NHS: variants seen among roughly 807,000 people sequenced by gnomAD.
The protein encoded by NHS is NHS actin remodeling regulator.
A neutral mutation model predicts 72.5 loss-of-function variants in NHS; 5 were observed. The observed-to-expected ratio is 0.07, with a 90% CI of 0.04 to 0.14. NHS has a LOEUF of 0.14. Ranked by LOEUF, NHS falls within the 10% of genes least tolerant of loss-of-function variation. The pLI is 1.00. For synonymous variants in NHS, 464 were observed against 547.7 expected (o/e 0.85, Z 2.13); for missense variants, 1,072 against 1,355.7 (o/e 0.79, Z 3.29).
chrX:17,446,517 C>T lies in NHS; in HGVS notation c.565+70195C>T, dbSNP rs750386493. 2.7e-5 allele frequency among the ~76,000 whole-genome samples: 3 copies of T among 109,810 alleles called. No individual in the cohort carries two copies. The South Asian group carries it at 1.2e-3, about 44-fold the overall frequency. Reference sequence around the variant, plus strand: ...ACCTTGTGACCCCCGCCCCTGCCCGCCAGTGAACAACCCCCTTTGACTAAT... The same window carrying T: ...ACCTTGTGACCCCCGCCCCTGCCCGTCAGTGAACAACCCCCTTTGACTAAT... On this transcript the variant is annotated intron_variant, in intron 1 of 8. Coordinates refer to ENST00000676302, the MANE Select transcript of NHS (RefSeq NM_001291867.2).
intron 1 of NHS, among the ~76,000 whole-genome samples, chrX:17,387,294 C>T (rs2064415781): frequency 8.9e-6 from 1 of 111,951 alleles, no homozygotes; most frequent in Non-Finnish European, 1.9e-5. Context: ...GGTGTAATTA[C>T]CCTACTCAAA....
rs539962835 is a variant in NHS, at chrX:17,512,436, C to G, written c.565+136114C>G. 2.7e-5 allele frequency among the ~76,000 whole-genome samples: 3 copies of G among 112,084 alleles called. No individual in the cohort carries two copies. In the South Asian group the frequency reaches 1.1e-3, roughly 41 times the overall value. On this transcript the variant is annotated intron_variant, in intron 1 of 8. Coordinates refer to ENST00000676302, the MANE Select transcript of NHS (RefSeq NM_001291867.2). ...TCATTGGAAGAGTTGCAGCTTGTGACTTACCATGCAAGAGTGGAAGGAAGG... is the reference window on the plus strand; with the variant it reads ...TCATTGGAAGAGTTGCAGCTTGTGAGTTACCATGCAAGAGTGGAAGGAAGG...
chrX:17,443,188 A>G lies in NHS; in HGVS notation c.565+66866A>G, dbSNP rs1483106376. 4.5e-5 allele frequency among the ~76,000 whole-genome samples: 5 copies of G among 112,188 alleles called. No homozygotes were observed. In the East Asian group the frequency reaches 8.4e-4, roughly 19 times the overall value. On this transcript the variant is annotated intron_variant, in intron 1 of 8. Coordinates refer to ENST00000676302, the MANE Select transcript of NHS (RefSeq NM_001291867.2). ...GTAAGAAAACATGAATCATATTACT[A>G]TGTTATAGAGTTGTTGTGACAACAG... is the stretch of plus-strand genomic sequence containing the variant.
intron 1 of NHS, among the ~76,000 whole-genome samples, chrX:17,436,358 T>C (rs746001264): frequency 8.9e-4 from 99 of 110,711 alleles, no homozygotes; most frequent in Non-Finnish European, 1.3e-3. Context: ...TGGGTTTTTC[T>C]CAGAGATTTA....
At chrX:17,552,551 G>T (rs1271967185) in intron 1 of NHS, 1 of 111,324 alleles carries the variant, frequency 9.0e-6, no homozygotes, top group East Asian at 2.8e-4. Flanking sequence ...TGAGGAAGGT[G>T]GCGTTAGTCA....
At chrX:17,563,683 G>C (rs73636659) in intron 1 of NHS, among the ~76,000 whole-genome samples, 8,988 of 111,039 alleles carry the variant, frequency 0.081, 899 homozygotes, top group African/African-American at 0.27. Flanking sequence ...GATCAGTCAC[G>C]CAAGAAGATT....
At chrX:17,379,272 C>A (rs2064363017) in intron 1 of NHS, among the ~76,000 whole-genome samples, 1 of 109,839 alleles carries the variant, frequency 9.1e-6, no homozygotes, top group Non-Finnish European at 1.9e-5. Context: ...AGTCTGGTGG[C>A]TAGTAAACCA....
intron 1 of NHS, among the ~76,000 whole-genome samples, chrX:17,481,390 TGA>T (rs1240268365): frequency 8.9e-6 from 1 of 112,235 alleles, no homozygotes; most frequent in Non-Finnish European, 1.9e-5. Flanking sequence ...CTTTGTTTCC[TGA>T]GAGAGATGCT....
chrX:17,428,614 GC>G (rs2064669280), intron 1 of NHS, among the ~76,000 whole-genome samples: 1 of 111,658 alleles, frequency 9.0e-6, no homozygotes, highest in African/African-American at 3.3e-5. Flanking sequence ...CACAGAGATG[GC>G]AGGTCAGCTT....
intron 1 of NHS, among the ~76,000 whole-genome samples, chrX:17,613,373 G>A (rs1041986777): frequency 9.0e-6 from 1 of 111,620 alleles, no homozygotes; most frequent in African/African-American, 3.3e-5. Flanking sequence ...CCAAGTGCCA[G>A]GGTTAAGATC....
intron 1 of NHS, among the ~76,000 whole-genome samples, chrX:17,674,860 G>T (rs750762092): frequency 8.9e-6 from 1 of 112,035 alleles, no homozygotes; most frequent in African/African-American, 3.2e-5. Context: ...GCTCCTGCAA[G>T]GGCCAGTGGC....
chrX:17,619,913 A>G (rs1423901002), intron 1 of NHS, among the ~76,000 whole-genome samples: 1 of 111,268 alleles, frequency 9.0e-6, no homozygotes. Flanking sequence ...CTAGCTCTTG[A>G]TCTTGACTCT....
Position 17,732,174 on chromosome X carries a change from T to C in NHS, c.4666T>C (p.Ser1556Pro), listed in dbSNP as rs2071848. Residue 1556 changes from serine (S) to proline (P), a missense_variant, in exon 9 of 9, where the codon TCC becomes CCC. By Grantham distance (74) the Ser-to-Pro change is moderately conservative (BLOSUM62 -1). Coordinates refer to ENST00000676302, the MANE Select transcript of NHS (RefSeq NM_001291867.2). ...ACCTCCTGGGGAGCTCACAGCAGAGTCCCCTCAGAGCACCGATGATGCCCA... is the reference window on the plus strand; with the variant it reads ...ACCTCCTGGGGAGCTCACAGCAGAGCCCCCTCAGAGCACCGATGATGCCCA... ...PKPPGELTAE[S>P]PQSTDDAHQG... is the part of the protein sequence containing the mutation. The C allele has an allele frequency of 7.4e-6, 9 of 1,211,182 alleles. No homozygotes were observed. The highest frequency in any genetic ancestry group is 8.9e-6 in the Non-Finnish European group (8 of 895,361).
At chrX:17,536,785 C>T (rs2065226697) in intron 1 of NHS, among the ~76,000 whole-genome samples, 1 of 112,439 alleles carries the variant, frequency 8.9e-6, no homozygotes, top group Non-Finnish European at 1.9e-5. Context: ...TAAATGGGTA[C>T]TGTGTTGACT....
intron 1 of NHS, among the ~76,000 whole-genome samples, chrX:17,497,285 GT>G (rs1273727202): frequency 3.6e-5 from 4 of 112,011 alleles, no homozygotes; most frequent in Non-Finnish European, 7.5e-5. Flanking sequence ...GGTCTTCAAG[GT>G]TTTGTTTGGT....
At chrX:17,720,796 A>T (rs1290643381) in intron 4 of NHS, among the ~76,000 whole-genome samples, 4 of 112,741 alleles carry the variant, frequency 3.5e-5, no homozygotes, top group Non-Finnish European at 5.6e-5. Context: ...TCCCCCCAGT[A>T]ACAGCATGTG....
intron 1 of NHS, among the ~76,000 whole-genome samples, chrX:17,381,537 A>G (rs965729010): frequency 2.7e-5 from 3 of 112,371 alleles, no homozygotes; most frequent in Admixed American, 9.4e-5. Flanking sequence ...TGAAGTTTAT[A>G]TAAGTGAAAT....
chrX:17,473,908 A>G (rs985764331), intron 1 of NHS, among the ~76,000 whole-genome samples: 1 of 111,040 alleles, frequency 9.0e-6, no homozygotes, highest in African/African-American at 3.3e-5. Context: ...CTTTATATTT[A>G]TTTATTTATT....
chrX:17,449,751 T>G, intron 1 of NHS, among the ~76,000 whole-genome samples: 2 of 112,314 alleles, frequency 1.8e-5, no homozygotes, highest in Admixed American at 1.9e-4. Context: ...GCTCTTAATC[T>G]GTAAGAACCA....
Sources: allele counts gnomAD v4.1 joint callset (sites outside exome capture counted in the v4.1 genomes callset), GRCh38; gene constraint gnomAD v4.1.1; transcripts MANE v1.5; gene names NCBI Gene and HGNC (gene_info 2026-07-23, HGNC 2026-07-21).